The following CPQ variants were observed in gnomAD, a reference collection of about 807,000 sequenced individuals.
CPQ encodes the protein Ser-Met dipeptidase.
Under a neutral mutation model 45.7 loss-of-function variants are expected in CPQ, and 37 were observed. That is an observed-to-expected ratio of 0.81 (90% CI 0.62 to 1.07). CPQ has a LOEUF of 1.07. Among genes scored for constraint, CPQ ranks in the 50% least tolerant of loss-of-function variants. The pLI is 0.00. For synonymous variants in CPQ, 186 were observed against 205.8 expected (o/e 0.90, Z 0.82); for missense variants, 537 against 572.9 (o/e 0.94, Z 0.64).
chr8:96,790,643 C>T (rs935693766), intron 2 of CPQ, among the ~76,000 whole-genome samples: 10 of 151,950 alleles, frequency 6.6e-5, no homozygotes, highest in African/African-American at 1.4e-4. Flanking sequence ...GGTCAGAATA[C>T]GGTACCTGTA....
chr8:97,131,060 A>G (rs1403389644), intron 7 of CPQ, among the ~76,000 whole-genome samples: 4 of 152,234 alleles, frequency 2.6e-5, no homozygotes, highest in Admixed American at 1.3e-4. Context: ...CCAATTTTTC[A>G]TAGTTGGCAA....
intron 7 of CPQ, among the ~76,000 whole-genome samples, chr8:97,101,704 A>G (rs1563580451): frequency 6.6e-6 from 1 of 151,822 alleles, no homozygotes; most frequent in Non-Finnish European, 1.5e-5. Flanking sequence ...CACAGGCAAA[A>G]TGGAACCTAC....
At position 96,709,212 on chromosome 8, in the gene CPQ, C is replaced by A. The variant is rs142303182; in HGVS notation, c.-35+63810C>A. 2.5e-3 allele frequency among the ~76,000 whole-genome samples: 374 copies of A among 152,104 alleles called. 3 individuals are homozygous for A. Among genetic ancestry groups the A allele is most frequent in the Non-Finnish European group, 1.2e-3 (82 of 67,972 alleles). On this transcript the variant is annotated intron_variant, in intron 1 of 7. Transcript: ENST00000220763. ...AGTGTACCTGTCCCTGGACATTGTA[C>A]CCAATATGTGGTTTTTTTAATCCCT...
At chr8:96,847,510 AAGTT>A (rs1811712136) in intron 3 of CPQ, among the ~76,000 whole-genome samples, 2 of 152,196 alleles carry the variant, frequency 1.3e-5, no homozygotes, top group African/African-American at 4.8e-5. Flanking sequence ...ATTAATGTAA[AAGTT>A]AGCATTACAT....
In CPQ at chr8:97,135,934, A is replaced by G. The variant is rs1812050322; in HGVS notation, c.1256-7086A>G. The stretch of plus-strand genomic sequence containing the variant: ...CACTGATTACATATGAATGAGAGTC[A>G]ACCTATAATAATGGTGACTTTGAGA... On this transcript the variant is annotated intron_variant, in intron 7 of 7. Transcript: ENST00000220763. Among the ~76,000 whole-genome samples, 4 of 152,224 alleles carry G rather than the reference A, an allele frequency of 2.6e-5. 1 individual carries two copies. The South Asian group carries it at 8.3e-4, about 31-fold the overall frequency.
At chr8:96,839,115 T>C (rs903575293) in intron 3 of CPQ, among the ~76,000 whole-genome samples, 3 of 151,398 alleles carry the variant, frequency 2.0e-5, no homozygotes, top group Admixed American at 6.6e-5. Flanking sequence ...ATATATATTA[T>C]GATTTGTTGC....
chr8:96,916,027 A>G (rs117332635), intron 4 of CPQ, among the ~76,000 whole-genome samples: 1,954 of 152,230 alleles, frequency 0.013, 18 homozygotes, highest in Middle Eastern at 0.027. Flanking sequence ...AAAGAGAGAG[A>G]TCTGATTCCT....
intron 7 of CPQ, among the ~76,000 whole-genome samples, chr8:97,095,431 C>T (rs188855135): frequency 6.6e-6 from 1 of 152,260 alleles, no homozygotes; most frequent in African/African-American, 2.4e-5. Context: ...GTAGCCTCTC[C>T]TTTATTCATT....
At chr8:97,039,175 C>A (rs1295695357) in intron 6 of CPQ, among the ~76,000 whole-genome samples, 1 of 152,172 alleles carries the variant, frequency 6.6e-6, no homozygotes, top group Non-Finnish European at 1.5e-5. Context: ...GCATAATTAC[C>A]TTGTTGGAGG....
At chr8:96,821,180 GT>G (rs1811303276) in intron 2 of CPQ, among the ~76,000 whole-genome samples, 1 of 63,656 alleles carries the variant, frequency 1.6e-5, no homozygotes, top group Non-Finnish European at 2.9e-5. Flanking sequence ...CTCCTTATAT[GT>G]TCTGGTTATT....
chr8:96,910,706 G>A (rs574630344), intron 4 of CPQ, among the ~76,000 whole-genome samples: 2 of 152,078 alleles, frequency 1.3e-5, no homozygotes, highest in Non-Finnish European at 2.9e-5. Context: ...GGGTTTCACC[G>A]TGTTAGCCAG....
At chr8:96,669,610 A>C (rs1482576418) in intron 1 of CPQ, among the ~76,000 whole-genome samples, 1 of 152,258 alleles carries the variant, frequency 6.6e-6, no homozygotes, top group Non-Finnish European at 1.5e-5. Flanking sequence ...GAAGAAAAAT[A>C]GAAAATAAGA....
intron 1 of CPQ, among the ~76,000 whole-genome samples, chr8:96,746,585 A>G (rs1171783295): frequency 6.6e-6 from 1 of 152,194 alleles, no homozygotes; most frequent in East Asian, 1.9e-4. Context: ...GCCTTCTTTT[A>G]AAGCCCAGCC....
In CPQ at chr8:96,891,131, C is replaced by G. The variant is rs1563522175; in HGVS notation, c.849+11126C>G. On this transcript the variant is annotated intron_variant, in intron 4 of 7. Coordinates refer to ENST00000220763, the MANE Select transcript of CPQ (RefSeq NM_016134.4). ...CCATGAGCATGCACACATTGCCACA[C>G]TTTTTTAGCCATAGAGTGAGTGTCT... 2.0e-5 allele frequency among the ~76,000 whole-genome samples: 3 copies of G among 152,198 alleles called. No homozygotes were observed. The South Asian group carries it at 6.2e-4, about 32-fold the overall frequency.
chr8:97,098,184 TGGATCATG>T (rs1157021847), intron 7 of CPQ, among the ~76,000 whole-genome samples: 2 of 152,192 alleles, frequency 1.3e-5, no homozygotes, highest in Admixed American at 6.5e-5. Context: ...CTCTTTTTCC[TGGATCATG>T]GCTTTCTGCA....
At chr8:96,969,728 A>C (rs1293206165) in intron 5 of CPQ, among the ~76,000 whole-genome samples, 3 of 152,132 alleles carry the variant, frequency 2.0e-5, no homozygotes, top group Non-Finnish European at 4.4e-5. Context: ...GGAGAGGTTC[A>C]CTTTTTACCT....
At chr8:96,657,637 C>T (rs975387848) in intron 1 of CPQ, among the ~76,000 whole-genome samples, 5 of 152,180 alleles carry the variant, frequency 3.3e-5, no homozygotes, top group Non-Finnish European at 7.3e-5. Context: ...AGAAAATTCA[C>T]ATCCTCTTAT....
intron 5 of CPQ, among the ~76,000 whole-genome samples, chr8:96,988,799 G>A (rs2853273): frequency 0.98 from 148,551 of 152,354 alleles, 72,697 homozygotes; most frequent in Middle Eastern, 1. Context: ...TGAACTGAGG[G>A]TGCTGCATAG....
At chr8:97,065,413 G>A (rs1268972304) in intron 6 of CPQ, among the ~76,000 whole-genome samples, 1 of 152,144 alleles carries the variant, frequency 6.6e-6, no homozygotes, top group African/African-American at 2.4e-5. Context: ...TTTACACCAG[G>A]GAGAGAAGTG....
Sources: gnomAD v4.1 joint callset for allele counts (sites outside exome capture counted in the v4.1 genomes callset) on GRCh38, gnomAD v4.1.1 for gene constraint, MANE v1.5 for transcripts, NCBI Gene and HGNC (gene_info 2026-07-23, HGNC 2026-07-21) for gene names.